Variants in GNPTAB observed in about 807,000 individuals in gnomAD.
The protein encoded by GNPTAB is N-acetylglucosamine-1-phosphate transferase subunits alpha and beta.
In GNPTAB, 92 loss-of-function variants were observed where a neutral mutation model predicts 136.6. That is an observed-to-expected ratio of 0.67 (90% confidence interval 0.57 to 0.80). The LOEUF (loss-of-function observed/expected upper bound fraction) is 0.80. Among genes scored for constraint, GNPTAB ranks in the 30% least tolerant of loss-of-function variants. The pLI, the probability that GNPTAB is intolerant of heterozygous loss-of-function variation, is 0.00. For synonymous variants in GNPTAB, 512 were observed against 535.1 expected, an observed-to-expected ratio of 0.96 and a Z score of 0.60; for missense variants, 1,343 against 1,501.8, an observed-to-expected ratio of 0.89 and a Z score of 1.75.
chr12:101,753,335 AC>A (rs755521799), intron 19 of GNPTAB, 36 bp downstream of exon 19: 5 of 1,467,602 alleles, frequency 3.4e-6, no homozygotes, highest in South Asian at 3.4e-5. Context: ...GTATACACTC[AC>A]CCACACACAT....
chr12:101,748,595 G>A (rs1952770235), intron 20 of GNPTAB, among the ~76,000 whole-genome samples: 1 of 152,164 alleles, frequency 6.6e-6, no homozygotes, highest in Non-Finnish European at 1.5e-5. Flanking sequence ...CAGGTGTAGA[G>A]GGGCTGACAA....
chr12:101,800,719 A>T (rs1161312230), intron 1 of GNPTAB, among the ~76,000 whole-genome samples: 1 of 151,852 alleles, frequency 6.6e-6, no homozygotes, highest in Non-Finnish European at 1.5e-5. Flanking sequence ...CAGAAGTTGC[A>T]GTGAGCTGAG....
At chr12:101,754,019 C>T (rs546276243) in intron 18 of GNPTAB, among the ~76,000 whole-genome samples, 14 of 152,092 alleles carry the variant, frequency 9.2e-5, no homozygotes, top group Non-Finnish European at 7.4e-5. Flanking sequence ...TGTGGTGGCA[C>T]GTGCCTGTGG....
chr12:101,780,736 C>A, intron 5 of GNPTAB, 115 bp from the exon 6 acceptor site: 1 of 762,880 alleles, frequency 1.3e-6, no homozygotes, highest in South Asian at 1.5e-5. Context: ...ATATATGGTC[C>A]AAAAAAAGGA....
intron 11 of GNPTAB, among the ~76,000 whole-genome samples, chr12:101,767,618 T>A (rs11111013): frequency 1.3e-5 from 2 of 152,124 alleles, no homozygotes; most frequent in Non-Finnish European, 2.9e-5. Flanking sequence ...AAAGAGTCCA[T>A]TGATTACTGA....
Position 101,753,387 on chromosome 12 carries a change from TG to T in GNPTAB, c.3586del (p.His1196MetfsTer13). 1.2e-6 allele frequency: 2 copies of T among 1,613,800 alleles called. No homozygotes were observed. The highest frequency in any genetic ancestry group is 1.7e-6 in the Non-Finnish European group (2 of 1,179,704). ...GAGAATTTACCATTCCTGCAGCTCATGCATATGAAGGAAACGGTTTCGATAC... is the reference window on the plus strand; with the variant it reads ...GAGAATTTACCATTCCTGCAGCTCATCATATGAAGGAAACGGTTTCGATAC... Reference protein sequence around the residue: ...REYRNRFLHMHELQEWRAYRD... With the variant: ...REYRNRFLHMXELQEWRAYRD... On this transcript the variant is annotated frameshift_variant, in exon 19 of 21. Coordinates refer to ENST00000299314, the MANE Select transcript of GNPTAB (RefSeq NM_024312.5). LOFTEE classifies it high-confidence loss of function.
chr12:101,784,672 A>T (rs571911930), intron 5 of GNPTAB, among the ~76,000 whole-genome samples: 48 of 138,500 alleles, frequency 3.5e-4, no homozygotes, highest in Non-Finnish European at 5.2e-4. Flanking sequence ...GAACCTAAGA[A>T]TCATGTGGAA....
At chr12:101,770,291 A>G in intron 9 of GNPTAB, 100 bp from the exon 10 acceptor site, 1 of 1,422,950 alleles carries the variant, frequency 7.0e-7, no homozygotes, top group Non-Finnish European at 9.9e-7. Context: ...AGAGCTAGAG[A>G]AAGGAAGAAA....
At chr12:101,773,442 A>T in intron 7 of GNPTAB, 1 of 206,104 alleles carries the variant, frequency 4.9e-6, no homozygotes, top group Non-Finnish European at 1.0e-5. Flanking sequence ...CAGTGGGCGA[A>T]GCTGAGGGGC....
chr12:101,771,185 G>A (rs760300871), intron 7 of GNPTAB, 28 bp from the exon 8 acceptor site: 1 of 1,580,332 alleles, frequency 6.3e-7, no homozygotes, highest in Non-Finnish European at 8.7e-7. Context: ...GATTACACAT[G>A]AAAAGACTGA....
At position 101,747,024 on chromosome 12, in the gene GNPTAB, G is replaced by C; in HGVS notation, c.*140C>G. On this transcript the variant is annotated 3_prime_UTR_variant, in exon 21 of 21. Transcript: ENST00000299314. ...TTCCTGGTCAGTGGGCTATATTCAT[G>C]CCACAAAACAGCATGGTACTGGATA... The C allele has an allele frequency of 1.5e-6, 1 of 684,100 alleles. No homozygotes were observed. The highest frequency in any genetic ancestry group is 2.7e-6 in the Non-Finnish European group (1 of 370,644). The allele number at this position is 684,100 out of a possible 1,614,324, so 42.4% of individuals were successfully genotyped here.
chr12:101,787,978 GT>G (rs1038025355), intron 4 of GNPTAB, among the ~76,000 whole-genome samples: 3 of 151,132 alleles, frequency 2.0e-5, no homozygotes, highest in African/African-American at 7.3e-5. Context: ...ATCAATAAGT[GT>G]TTTTAAAAGT....
Position 101,764,581 on chromosome 12 carries a change from A to G in GNPTAB, c.2336T>C (p.Leu779Ser). ...QVHKSILPNS[L>S]GVSERLQRLT... The stretch of plus-strand genomic sequence containing the variant: ...CCTCTGCAATCTTTCAGACACTCCT[A>G]AGCTGTTTGGCAAGATGCTTTTATG... The change falls in exon 13 of 21, where the codon TTA becomes TCA. Residue 779 changes from leucine (L) to serine (S), a missense_variant. Leu to Ser is a moderately radical substitution (Grantham distance 145). Transcript: ENST00000299314. 1 of 1,614,006 alleles carries G rather than the reference A, an allele frequency of 6.2e-7. No individual in the cohort carries two copies. Among genetic ancestry groups the G allele is most frequent in the Non-Finnish European group, 8.5e-7 (1 of 1,179,954 alleles).
Position 101,786,134 on chromosome 12 carries a change from G to A in GNPTAB, c.449C>T (p.Thr150Ile). Residue 150 changes from threonine to isoleucine, a missense_variant, in exon 5 of 21, where the codon ACC becomes ATC. Coordinates refer to ENST00000299314, the MANE Select transcript of GNPTAB (RefSeq NM_024312.5). Reference protein sequence around the residue: ...VLDPALPANITLKDLPSLYPS... With the variant: ...VLDPALPANIILKDLPSLYPS... ...ATAAAGAGATGGCAGGTCCTTCAGG[G>A]TGATGTTGGCTGGCAGGGCTGGGTC... The A allele has an allele frequency of 6.2e-7, 1 of 1,614,056 alleles. No individual in the cohort carries two copies. The highest frequency in any genetic ancestry group is 8.5e-7 in the Non-Finnish European group (1 of 1,179,962).
chr12:101,827,680 GA>G (rs1338333007), intron 1 of GNPTAB, among the ~76,000 whole-genome samples: 1 of 152,110 alleles, frequency 6.6e-6, no homozygotes, highest in Non-Finnish European at 1.5e-5. Flanking sequence ...ATGATCTTCT[GA>G]GGGCCAGGCA....
intron 1 of GNPTAB, among the ~76,000 whole-genome samples, chr12:101,822,602 G>T (rs1160682270): frequency 6.6e-6 from 1 of 152,148 alleles, no homozygotes; most frequent in African/African-American, 2.4e-5. Flanking sequence ...AAAGTGAGAA[G>T]ATGCCCACTG....
At chr12:101,767,726 G>A (rs533998961) in intron 11 of GNPTAB, among the ~76,000 whole-genome samples, 12 of 152,282 alleles carry the variant, frequency 7.9e-5, no homozygotes, top group African/African-American at 2.9e-4. Context: ...AGGCTCAAAT[G>A]ATCCTCTTGC....
In GNPTAB at chr12:101,770,128, G is replaced by C. The variant is rs756486285; in HGVS notation, c.1177C>G (p.His393Asp). The C allele has an allele frequency of 5.6e-6, 9 of 1,614,024 alleles. No individual in the cohort carries two copies. The highest frequency in any genetic ancestry group is 7.6e-6 in the Non-Finnish European group (9 of 1,179,996). The change falls in exon 10 of 21, where the codon CAT becomes GAT. Residue 393 changes from histidine (H) to aspartate (D), a missense_variant. Coordinates refer to ENST00000299314, the MANE Select transcript of GNPTAB (RefSeq NM_024312.5). ...FSSPAIESHI[H>D]RIEGLSQKFI... is the part of the protein sequence containing the mutation. ...TTCTGGGACAGCCCTTCGATGCGAT[G>C]AATGTGACTTTCAATAGCAGGTGAA...
chr12:101,824,731 C>T (rs1394854175), intron 1 of GNPTAB, among the ~76,000 whole-genome samples: 1 of 151,864 alleles, frequency 6.6e-6, no homozygotes, highest in East Asian at 1.9e-4. Flanking sequence ...CACACATGAG[C>T]CACCACACCT....
Sources: allele counts gnomAD v4.1 joint callset (sites outside exome capture counted in the v4.1 genomes callset), GRCh38; gene constraint gnomAD v4.1.1; transcripts MANE v1.5; gene names NCBI Gene and HGNC (gene_info 2026-07-23, HGNC 2026-07-21).